Variants in NR3C2 observed in about 807,000 individuals in gnomAD.
The protein encoded by NR3C2 is nuclear receptor subfamily 3 group C member 2.
In NR3C2, 15 loss-of-function variants were observed where a neutral mutation model predicts 86.4. That is an observed-to-expected ratio of 0.17 (90% CI 0.12 to 0.27). The LOEUF is 0.27. Ranked by LOEUF, NR3C2 falls within the 10% of genes least tolerant of loss-of-function variation. The pLI is 1.00. For missense variants in NR3C2, 960 were observed against 1,195.6 expected (o/e 0.80, Z 2.91); for synonymous variants, 458 against 450.5 (o/e 1.02, Z -0.21).
At chr4:148,203,895 G>GAAGT (rs375245515) in intron 3 of NR3C2, among the ~76,000 whole-genome samples, 31 of 152,256 alleles carry the variant, frequency 2.0e-4, no homozygotes, top group African/African-American at 6.3e-4. Flanking sequence ...ACTGACTTGA[G>GAAGT]AAGTAAGTAC....
chr4:148,152,288 C>A, intron 6 of NR3C2, 181 bp downstream of exon 6: 3 of 594,754 alleles, frequency 5.0e-6, no homozygotes, highest in South Asian at 2.0e-5. Flanking sequence ...CAGAAGCATA[C>A]AGTATAATGT....
At chr4:148,160,712 AAT>A in intron 4 of NR3C2, among the ~76,000 whole-genome samples, 1 of 152,272 alleles carries the variant, frequency 6.6e-6, no homozygotes, top group Admixed American at 6.5e-5. Flanking sequence ...GTTATATTAA[AAT>A]ATATATATTT....
At chr4:148,433,943 G>A (rs1363272633) in intron 2 of NR3C2, among the ~76,000 whole-genome samples, 2 of 152,104 alleles carry the variant, frequency 1.3e-5, no homozygotes, top group East Asian at 3.9e-4. Context: ...TATCCTTTAT[G>A]AAATGTTTGC....
intron 3 of NR3C2, among the ~76,000 whole-genome samples, chr4:148,241,542 T>C (rs924898286): frequency 3.9e-5 from 6 of 152,112 alleles, no homozygotes; most frequent in South Asian, 2.1e-4. Flanking sequence ...AGCTCTCGTG[T>C]GTCTCATATT....
At chr4:148,195,138 G>A (rs573886170) in intron 3 of NR3C2, among the ~76,000 whole-genome samples, 1 of 152,208 alleles carries the variant, frequency 6.6e-6, no homozygotes, top group Admixed American at 6.5e-5. Flanking sequence ...TTTGATAGCT[G>A]CATAGGTTCA....
chr4:148,225,989 A>G (rs943199637), intron 3 of NR3C2, among the ~76,000 whole-genome samples: 1 of 152,190 alleles, frequency 6.6e-6, no homozygotes, highest in African/African-American at 2.4e-5. Context: ...ATATATTAAT[A>G]ACATTTAAAT....
intron 4 of NR3C2, among the ~76,000 whole-genome samples, chr4:148,187,035 T>C (rs1402268261): frequency 7.6e-6 from 1 of 131,242 alleles, no homozygotes; most frequent in Non-Finnish European, 1.7e-5. Context: ...TATATATATA[T>C]ATATATATAA....
intron 4 of NR3C2, among the ~76,000 whole-genome samples, chr4:148,190,827 G>A (rs1736160179): frequency 6.6e-6 from 1 of 152,190 alleles, no homozygotes; most frequent in Non-Finnish European, 1.5e-5. Context: ...TGCATGAAAT[G>A]CCTTTTATAC....
At chr4:148,413,837 T>C (rs1748851918) in intron 2 of NR3C2, among the ~76,000 whole-genome samples, 1 of 152,142 alleles carries the variant, frequency 6.6e-6, no homozygotes, top group African/African-American at 2.4e-5. Flanking sequence ...ACCTTACACA[T>C]ACTGATGAGA....
chr4:148,215,451 A>G (rs999219371), intron 3 of NR3C2, among the ~76,000 whole-genome samples: 1 of 152,240 alleles, frequency 6.6e-6, no homozygotes, highest in Admixed American at 6.5e-5. Flanking sequence ...GCAAATGCTG[A>G]GGATAAACAG....
In NR3C2 at chr4:148,411,816, G is replaced by A. The variant is rs112102697; in HGVS notation, c.1757+23288C>T. ...GACTTCAGTGTTGCTAGAATAAATA[G>A]TTTTCCTTTATCTTGCTTCCTCTGC... is the stretch of plus-strand genomic sequence containing the variant. On this transcript the variant is annotated intron_variant, in intron 2 of 8. Coordinates refer to ENST00000358102, the MANE Select transcript of NR3C2 (RefSeq NM_000901.5). 5.1e-3 allele frequency among the ~76,000 whole-genome samples: 775 copies of A among 152,288 alleles called. 3 individuals carry two copies. The highest frequency in any genetic ancestry group is 0.018 in the African/African-American group (736 of 41,556).
At chr4:148,194,661 G>C (rs1052508610) in intron 4 of NR3C2, 85 bp downstream of exon 4, 1 of 905,624 alleles carries the variant, frequency 1.1e-6, no homozygotes, top group African/African-American at 1.6e-5. Context: ...TGTTGGCTTC[G>C]TTTTCAATTT....
intron 1 of NR3C2, among the ~76,000 whole-genome samples, chr4:148,439,781 C>T (rs150454352): frequency 6.6e-6 from 1 of 152,320 alleles, no homozygotes; most frequent in Non-Finnish European, 1.5e-5. Flanking sequence ...CTGCACTTTT[C>T]GGCACTCTGC....
At chr4:148,251,577 C>G (rs938033415) in intron 3 of NR3C2, among the ~76,000 whole-genome samples, 2 of 152,142 alleles carry the variant, frequency 1.3e-5, no homozygotes, top group African/African-American at 4.8e-5. Flanking sequence ...ATGAGGAAGG[C>G]CATTCTCCCA....
chr4:148,096,945 G>C (rs539759131), intron 8 of NR3C2, among the ~76,000 whole-genome samples: 2 of 152,152 alleles, frequency 1.3e-5, no homozygotes, highest in African/African-American at 4.8e-5. Context: ...GCTTTTGAAC[G>C]AACAGGTTTT....
chr4:148,165,719 G>T (rs148896456), intron 4 of NR3C2, among the ~76,000 whole-genome samples: 11 of 152,066 alleles, frequency 7.2e-5, no homozygotes, highest in Non-Finnish European at 1.3e-4. Context: ...GAAATGATGA[G>T]CCAGATAACC....
At chr4:148,197,146 C>T (rs1736479250) in intron 3 of NR3C2, among the ~76,000 whole-genome samples, 2 of 152,146 alleles carry the variant, frequency 1.3e-5, no homozygotes, top group South Asian at 4.1e-4. Flanking sequence ...TTTCTAAATA[C>T]TAATTTGCAA....
At chr4:148,374,612 G>A (rs1025104763) in intron 2 of NR3C2, among the ~76,000 whole-genome samples, 1 of 152,276 alleles carries the variant, frequency 6.6e-6, no homozygotes, top group Middle Eastern at 3.4e-3. Flanking sequence ...CTTCCTGGAT[G>A]CTCAGACCTC....
chr4:148,308,152 T>C (rs1345265354), intron 2 of NR3C2, among the ~76,000 whole-genome samples: 2 of 152,166 alleles, frequency 1.3e-5, no homozygotes, highest in Non-Finnish European at 2.9e-5. Flanking sequence ...GTTCCAAGTC[T>C]GGGTGTCTCT....
Sources: gnomAD v4.1 joint callset for allele counts (sites outside exome capture counted in the v4.1 genomes callset) on GRCh38, gnomAD v4.1.1 for gene constraint, MANE v1.5 for transcripts, NCBI Gene and HGNC (gene_info 2026-07-23, HGNC 2026-07-21) for gene names.